Variants in LEP observed in about 807,000 individuals in gnomAD.
LEP encodes leptin (murine obesity homolog).
A neutral mutation model predicts 9.8 loss-of-function variants in LEP; 6 were observed. The observed-to-expected ratio is 0.61, with a 90% CI of 0.34 to 1.21. The LOEUF (loss-of-function observed/expected upper bound fraction) is 1.21, where lower values mean the gene tolerates loss of function less well. LEP is among the 50% of genes most tolerant of loss of function. The pLI is 0.04. For missense variants in LEP, 134 were observed against 198.1 expected, an observed-to-expected ratio of 0.68 and a Z score of 1.94; for synonymous variants, 112 against 81.7, an observed-to-expected ratio of 1.37 and a Z score of -2.00.
At chr7:128,243,019 C>CCGGG (rs1484757070) in intron 1 of LEP, among the ~76,000 whole-genome samples, 13 of 152,222 alleles carry the variant, frequency 8.5e-5, no homozygotes, top group African/African-American at 3.1e-4. Context: ...CCCATCCCCA[C>CCGGG]CGGGGTAGGA....
intron 1 of LEP, among the ~76,000 whole-genome samples, chr7:128,245,887 C>G (rs1293748474): frequency 6.6e-6 from 1 of 151,936 alleles, no homozygotes; most frequent in Non-Finnish European, 1.5e-5. Flanking sequence ...GATGGTGAAG[C>G]CTCGTCTCTA....
At chr7:128,247,833 G>T (rs962505047) in intron 1 of LEP, among the ~76,000 whole-genome samples, 1 of 152,170 alleles carries the variant, frequency 6.6e-6, no homozygotes, top group African/African-American at 2.4e-5. Context: ...CCATCTGATA[G>T]CCAGGAAAAC....
At chr7:128,245,481 C>T (rs1421098166) in intron 1 of LEP, among the ~76,000 whole-genome samples, 3 of 152,172 alleles carry the variant, frequency 2.0e-5, no homozygotes, top group African/African-American at 7.2e-5. Flanking sequence ...TTATTTCCTC[C>T]TTTGTTCTTT....
chr7:128,243,535 A>C (rs1358507453), intron 1 of LEP, among the ~76,000 whole-genome samples: 3 of 152,136 alleles, frequency 2.0e-5, no homozygotes, highest in African/African-American at 7.2e-5. Flanking sequence ...ACAGCTTAGG[A>C]AGCTGAAGGG....
At chr7:128,250,553 A>G (rs1795261955) in intron 1 of LEP, among the ~76,000 whole-genome samples, 1 of 152,180 alleles carries the variant, frequency 6.6e-6, no homozygotes, top group African/African-American at 2.4e-5. Flanking sequence ...GACTTTGGGC[A>G]AGTTGACTCC....
intron 1 of LEP, among the ~76,000 whole-genome samples, chr7:128,247,766 CTT>C (rs1351271197): frequency 6.6e-6 from 1 of 152,158 alleles, no homozygotes; most frequent in African/African-American, 2.4e-5. Flanking sequence ...ACTTTACATG[CTT>C]TATCTCATTT....
chr7:128,242,598 T>C (rs1206834322), intron 1 of LEP, among the ~76,000 whole-genome samples: 1 of 152,190 alleles, frequency 6.6e-6, no homozygotes, highest in African/African-American at 2.4e-5. Context: ...GTTGTGGACA[T>C]TGGGCTGAGG....
Position 128,254,764 on chromosome 7 carries a change from G to A in LEP, c.*1G>A, listed in dbSNP as rs775675640. On this transcript the variant is annotated 3_prime_UTR_variant, in exon 3 of 3. Coordinates refer to ENST00000308868, the MANE Select transcript of LEP (RefSeq NM_000230.3). ...GCTGGACCTCAGCCCTGGGTGCTGA[G>A]GCCTTGAAGGTCACTCTTCCTGCAA... The A allele has an allele frequency of 6.2e-7, 1 of 1,607,808 alleles. No homozygotes were observed. The highest frequency in any genetic ancestry group is 1.1e-5 in the South Asian group (1 of 91,042).
intron 2 of LEP, 55 bp downstream of exon 2, chr7:128,252,217 CT>C: frequency 6.3e-7 from 1 of 1,590,982 alleles, no homozygotes; most frequent in Non-Finnish European, 8.6e-7. Context: ...GCACTGGCTC[CT>C]AGTGGCACTG....
chr7:128,254,301 C>G, intron 2 of LEP, 103 bp from the exon 3 acceptor site: 1 of 1,476,410 alleles, frequency 6.8e-7, no homozygotes, highest in African/African-American at 1.4e-5. Flanking sequence ...TGGAAGGAGG[C>G]AGCCCAGAGA....
chr7:128,249,877 C>T lies in LEP; in HGVS notation c.-28-2114C>T, dbSNP rs1054816504. 8.5e-5 allele frequency among the ~76,000 whole-genome samples: 13 copies of T among 152,290 alleles called. No individual in the cohort carries two copies. In the South Asian group the frequency reaches 2.1e-3, roughly 24 times the overall value. Reference sequence around the variant, plus strand: ...TCTCCTATTAGGCAGCCTTACTCAGCGGCAGCTTCTCAGCTCCATGTTTTC... The same window carrying T: ...TCTCCTATTAGGCAGCCTTACTCAGTGGCAGCTTCTCAGCTCCATGTTTTC... On this transcript the variant is annotated intron_variant, in intron 1 of 2. Coordinates refer to ENST00000308868, the MANE Select transcript of LEP (RefSeq NM_000230.3).
rs1241404075 is a variant in LEP, at chr7:128,254,985, G to A, written c.*222G>A. On this transcript the variant is annotated 3_prime_UTR_variant, in exon 3 of 3. Transcript: ENST00000308868. Reference sequence around the variant, plus strand: ...CAGGATCCTATTCTCACCAGGAAGGGGGTCCACCCAGCAAAGAGTGGGCTG... The same window carrying A: ...CAGGATCCTATTCTCACCAGGAAGGAGGTCCACCCAGCAAAGAGTGGGCTG... The A allele has an allele frequency of 1.8e-6, 1 of 566,126 alleles. No individual in the cohort carries two copies. Among genetic ancestry groups the A allele is most frequent in the Non-Finnish European group, 3.2e-6 (1 of 315,530 alleles). The allele number at this position is 566,126 out of a possible 1,614,324, so 35.1% of individuals were successfully genotyped here.
rs779780275 is a variant in LEP at position 128,254,601 on chromosome 7, T to C, written c.342T>C (p.Ser114=). 6.2e-7 allele frequency: 1 copy of C among 1,614,174 alleles called. No homozygotes were observed. Among genetic ancestry groups the C allele is most frequent in the Admixed American group, 1.7e-5 (1 of 60,028 alleles). ...LRDLLHVLAF[S]KSCHLPWASG... Reference sequence around the variant, plus strand: ...ATCTTCTTCACGTGCTGGCCTTCTCTAAGAGCTGCCACTTGCCCTGGGCCA... The same window carrying C: ...ATCTTCTTCACGTGCTGGCCTTCTCCAAGAGCTGCCACTTGCCCTGGGCCA... Residue 114 remains serine, a synonymous_variant, in exon 3 of 3, where the codon TCT becomes TCC. Coordinates refer to ENST00000308868, the MANE Select transcript of LEP (RefSeq NM_000230.3).
chr7:128,253,682 CA>C (rs1795301373), intron 2 of LEP, among the ~76,000 whole-genome samples: 1 of 152,080 alleles, frequency 6.6e-6, no homozygotes, highest in Non-Finnish European at 1.5e-5. Flanking sequence ...AAAGATGGCT[CA>C]GAACTAGATA....
At chr7:128,242,792 A>G (rs1444037636) in intron 1 of LEP, among the ~76,000 whole-genome samples, 1 of 152,202 alleles carries the variant, frequency 6.6e-6, no homozygotes, top group African/African-American at 2.4e-5. Context: ...CCCCAGGCAG[A>G]TGCCTTGCAC....
chr7:128,242,737 C>T (rs1302732428), intron 1 of LEP, among the ~76,000 whole-genome samples: 1 of 152,164 alleles, frequency 6.6e-6, no homozygotes, highest in Admixed American at 6.5e-5. Context: ...GCTCCAAGTG[C>T]CAAGGACAGA....
Position 128,256,976 on chromosome 7 carries a change from T to C in LEP, c.*2213T>C, listed in dbSNP as rs200508994. On this transcript the variant is annotated 3_prime_UTR_variant, in exon 3 of 3. Transcript: ENST00000308868. ...GATGCAGAGGTAAAAGTGTGAGCAG[T>C]GAGTTACAGCGAGAGGCAGAGAAAG... The C allele has an allele frequency of 1.3e-5, 2 of 152,296 alleles. No homozygotes were observed. The highest frequency in any genetic ancestry group is 1.3e-4 in the Admixed American group (2 of 15,270). The allele number at this position is 152,296 out of a possible 1,614,324, so 9.4% of individuals were successfully genotyped here.
chr7:128,251,422 T>C (rs1008855500), intron 1 of LEP, among the ~76,000 whole-genome samples: 1 of 152,156 alleles, frequency 6.6e-6, no homozygotes, highest in African/African-American at 2.4e-5. Flanking sequence ...TCACAGAGTA[T>C]CAGCAGGCTG....
At position 128,250,726 on chromosome 7, in the gene LEP, C is replaced by T. The variant is rs28954100; in HGVS notation, c.-28-1265C>T. 3.8e-3 allele frequency among the ~76,000 whole-genome samples: 577 copies of T among 152,258 alleles called. 3 individuals are homozygous for T. Among genetic ancestry groups the T allele is most frequent in the African/African-American group, 0.013 (559 of 41,526 alleles). On this transcript the variant is annotated intron_variant, in intron 1 of 2. Transcript: ENST00000308868. ...CATCTATGGACAGAAAATGTATTAC[C>T]TGTCTTCATCAAGACCCAGACGAGG...
Sources: allele counts gnomAD v4.1 joint callset (sites outside exome capture counted in the v4.1 genomes callset), GRCh38; gene constraint gnomAD v4.1.1; transcripts MANE v1.5; gene names NCBI Gene and HGNC (gene_info 2026-07-23, HGNC 2026-07-21).